The following AGAP1 variants were observed in gnomAD, a reference collection of about 807,000 sequenced individuals.
The protein encoded by AGAP1 is arf-GAP with GTPase, ANK repeat and PH domain-containing protein 1.
Under a neutral mutation model 105.3 loss-of-function variants are expected in AGAP1, and 29 were observed. That is an observed-to-expected ratio of 0.28 (90% CI 0.21 to 0.38). The LOEUF is 0.38. Ranked by LOEUF, AGAP1 falls within the 10% of genes least tolerant of loss-of-function variation. The pLI is 1.00. For missense variants in AGAP1, 998 were observed against 1,165.1 expected (o/e 0.86, Z 2.09); for synonymous variants, 509 against 485.9 (o/e 1.05, Z -0.63).
At chr2:235,746,377 C>CTTTTTTTTTTTTTTTTTTTTTTTTTTTT (rs1172393048) in intron 5 of AGAP1, among the ~76,000 whole-genome samples, 2 of 55,562 alleles carry the variant, frequency 3.6e-5, no homozygotes, top group African/African-American at 8.0e-5. Context: ...CCTCCCCCAA[C>CTTTTTTTTTTTTTTTTTTTTTTTTTTTT]TTTTTTTTTT....
chr2:235,852,676 C>T, intron 9 of AGAP1: 1 of 1,445,088 alleles, frequency 6.9e-7, no homozygotes, highest in Non-Finnish European at 9.1e-7. Context: ...TATCTCCTTT[C>T]TCTCCCCAGG....
rs1360402914 is a variant in AGAP1, at chr2:236,124,939, C to T, written c.*817C>T. 2.5e-5 allele frequency: 4 copies of T among 163,246 alleles called. No homozygotes were observed. The highest frequency in any genetic ancestry group is 2.1e-4 in the South Asian group (1 of 4,826). The allele number at this position is 163,246 out of a possible 1,614,324, so 10.1% of individuals were successfully genotyped here. A position where few individuals can be genotyped will look rare whatever the true frequency, so the allele number is the denominator to read the frequency against. On this transcript the variant is annotated 3_prime_UTR_variant, in exon 18 of 18. Transcript: ENST00000304032. This position sits in a 1 kb window ranked among gnomAD's most constrained non-coding sequence, Gnocchi z 5.1. ...TTCAGTCCAAAGAGAGGAAATCAGT[C>T]GCTGAGTATTATTTGACTCCGGTCT...
At position 235,589,189 on chromosome 2, in the gene AGAP1, G is replaced by GTTTTTTTT. The variant is rs1205771315; in HGVS notation, c.163+94344_163+94345insTTTTTTTT. ...GAGAACTACCAGTTAATAGCTTATT[G>GTTTTTTTT]TTTTGTTTTTTTTTTTTTTTTTTTT... On this transcript the variant is annotated intron_variant, in intron 1 of 17. Transcript: ENST00000304032. Among the ~76,000 whole-genome samples, 94 of 54,918 alleles carry GTTTTTTTT rather than the reference G, an allele frequency of 1.7e-3. 11 individuals carry two copies. The highest frequency in any genetic ancestry group is 2.8e-3 in the Non-Finnish European group (65 of 23,244). The allele number at this position is 54,918 out of a possible 152,430, so 36.0% of individuals were successfully genotyped here. A position where few individuals can be genotyped will look rare whatever the true frequency, so the allele number is the denominator to read the frequency against.
At chr2:235,680,996 A>C (rs112924282) in intron 1 of AGAP1, among the ~76,000 whole-genome samples, 2,647 of 152,106 alleles carry the variant, frequency 0.017, 67 homozygotes, top group African/African-American at 0.06. Flanking sequence ...TGGCCTCTGA[A>C]AATTCTAGCC....
chr2:236,114,581 C>T lies in AGAP1; in HGVS notation c.2115-5611C>T, dbSNP rs774335012. ...CCCGCAGGGTTGGTTCTGGTGAGAC[C>T]TCTCTCCCTGGCTGACAGATGGTGC... On this transcript the variant is annotated intron_variant, in intron 16 of 17. Transcript: ENST00000304032. The surrounding 1 kb of genome is among the most constrained non-coding windows in gnomAD (Gnocchi z 5.0). Among the ~76,000 whole-genome samples, 123 of 152,280 alleles carry T rather than the reference C, an allele frequency of 8.1e-4. No homozygotes were observed. The highest frequency in any genetic ancestry group is 1.0e-3 in the Non-Finnish European group (71 of 68,020).
At chr2:235,507,382 C>T (rs529150595) in intron 1 of AGAP1, 10 of 152,478 alleles carry the variant, frequency 6.6e-5, no homozygotes, top group African/African-American at 2.2e-4. Context: ...GGGGGCGTCC[C>T]GCTGGACTGG....
chr2:236,050,573 T>C lies in AGAP1; in HGVS notation c.2114+1292T>C, dbSNP rs573077276. Among the ~76,000 whole-genome samples the C allele has an allele frequency of 6.6e-6, 1 of 152,358 alleles. No homozygotes were observed. The highest frequency in any genetic ancestry group is 2.4e-5 in the African/African-American group (1 of 41,588). On this transcript the variant is annotated intron_variant, in intron 16 of 17. Transcript: ENST00000304032. This position sits in a 1 kb window ranked among gnomAD's most constrained non-coding sequence, Gnocchi z 4.0. Reference sequence around the variant, plus strand: ...GCTGGGTCATCAACTGTGAACAAGCTTAAAAGATGAATTCATGTTTTAATA... The same window carrying C: ...GCTGGGTCATCAACTGTGAACAAGCCTAAAAGATGAATTCATGTTTTAATA...
intron 13 of AGAP1, among the ~76,000 whole-genome samples, chr2:236,024,336 C>G (rs2056984539): frequency 6.6e-6 from 1 of 152,138 alleles, no homozygotes; most frequent in South Asian, 2.1e-4. Context: ...TGCGCCCGGC[C>G]CCATCAACAG....
intron 9 of AGAP1, among the ~76,000 whole-genome samples, chr2:235,838,849 CTTTTT>C (rs367945501): frequency 6.8e-6 from 1 of 148,058 alleles, no homozygotes; most frequent in East Asian, 2.0e-4. Context: ...TGATTAAAGA[CTTTTT>C]TTTTTTAAGA....
intron 1 of AGAP1, among the ~76,000 whole-genome samples, chr2:235,603,856 TGGG>T (rs1398834594): frequency 6.6e-6 from 1 of 152,120 alleles, no homozygotes; most frequent in Non-Finnish European, 1.5e-5. Flanking sequence ...GCTAGTTAGG[TGGG>T]TCTTACCGCA....
chr2:235,828,759 G>T (rs141358099), intron 9 of AGAP1, among the ~76,000 whole-genome samples: 1 of 152,178 alleles, frequency 6.6e-6, no homozygotes, highest in Non-Finnish European at 1.5e-5. Context: ...CATGTTGCTC[G>T]GATGTCATGA....
intron 9 of AGAP1, 39 bp downstream of exon 9, chr2:235,807,370 G>T (rs775754226): frequency 1.9e-6 from 3 of 1,546,688 alleles, no homozygotes; most frequent in South Asian, 2.4e-5. Flanking sequence ...TGTCGCCGGA[G>T]ATACACCTCA....
At chr2:236,068,641 A>C (rs1441276373) in intron 16 of AGAP1, among the ~76,000 whole-genome samples, 2 of 149,398 alleles carry the variant, frequency 1.3e-5, no homozygotes, top group East Asian at 4.0e-4. Flanking sequence ...TCTACTAAAA[A>C]TACAAAAAAT....
At position 235,728,839 on chromosome 2, in the gene AGAP1, TAAG is replaced by T. The variant is rs779046596; in HGVS notation, c.310+11202_310+11204del. Among the ~76,000 whole-genome samples the T allele has an allele frequency of 6.6e-6, 1 of 152,146 alleles. No individual in the cohort carries two copies. The highest frequency in any genetic ancestry group is 6.5e-5 in the Admixed American group (1 of 15,296). ...GCCTGCAGCATTGCCCTCTAGACAC[TAAG>T]AAGAAGGGAGTAGGTTTAGGTTGGA... On this transcript the variant is annotated intron_variant, in intron 3 of 17. Coordinates refer to ENST00000304032, the MANE Select transcript of AGAP1 (RefSeq NM_001037131.3). The surrounding 1 kb of genome is among the most constrained non-coding windows in gnomAD (Gnocchi z 4.3).
chr2:236,024,568 T>C (rs1433681558), intron 13 of AGAP1, among the ~76,000 whole-genome samples: 1 of 152,200 alleles, frequency 6.6e-6, no homozygotes, highest in Non-Finnish European at 1.5e-5. Flanking sequence ...GGTTTTCAGC[T>C]GCTTTTAGCC....
At chr2:235,678,797 T>C (rs1179147038) in intron 1 of AGAP1, among the ~76,000 whole-genome samples, 1 of 151,492 alleles carries the variant, frequency 6.6e-6, no homozygotes, top group African/African-American at 2.4e-5. Flanking sequence ...GTAGTAAGAG[T>C]TCTGCCTGTC....
At chr2:235,730,796 G>C (rs1360283407) in intron 3 of AGAP1, among the ~76,000 whole-genome samples, 1 of 152,168 alleles carries the variant, frequency 6.6e-6, no homozygotes, top group Non-Finnish European at 1.5e-5. Flanking sequence ...CACTGTTTTG[G>C]TGGGTATCGG....
rs558667351 is a variant in AGAP1 at position 235,735,322 on chromosome 2, A to C, written c.311-5641A>C. The stretch of plus-strand genomic sequence containing the variant: ...CCCTTTTTTTGGAATGGGAAAATTC[A>C]GTTTTCTCTTTATTTTCTTTTTCTT... On this transcript the variant is annotated intron_variant, in intron 3 of 17. Coordinates refer to ENST00000304032, the MANE Select transcript of AGAP1 (RefSeq NM_001037131.3). Among the ~76,000 whole-genome samples, 3 of 152,280 alleles carry C rather than the reference A, an allele frequency of 2.0e-5. No homozygotes were observed. In the South Asian group the frequency reaches 6.2e-4, roughly 32 times the overall value.
At position 235,664,104 on chromosome 2, in the gene AGAP1, G is replaced by C. The variant is rs868398369; in HGVS notation, c.164-45075G>C. On this transcript the variant is annotated intron_variant, in intron 1 of 17. Coordinates refer to ENST00000304032, the MANE Select transcript of AGAP1 (RefSeq NM_001037131.3). This position sits in a 1 kb window ranked among gnomAD's most constrained non-coding sequence, Gnocchi z 5.7. Reference sequence around the variant, plus strand: ...CTGTGGCCAGTGCCTGGCAGCTAGCGAGTGGCCAGAACTGGGAGCTGCTGT... The same window carrying C: ...CTGTGGCCAGTGCCTGGCAGCTAGCCAGTGGCCAGAACTGGGAGCTGCTGT... Among the ~76,000 whole-genome samples the C allele has an allele frequency of 6.6e-6, 1 of 152,214 alleles. No homozygotes were observed. The highest frequency in any genetic ancestry group is 2.4e-5 in the African/African-American group (1 of 41,460).
Sources: gnomAD v4.1 joint callset for allele counts (sites outside exome capture counted in the v4.1 genomes callset) on GRCh38, gnomAD v4.1.1 for gene constraint, Gnocchi (gnomAD v3.1) non-coding constraint, MANE v1.5 for transcripts, NCBI Gene and HGNC (gene_info 2026-07-23, HGNC 2026-07-21) for gene names.